Variants in CAMTA1 observed in about 807,000 individuals in gnomAD.
CAMTA1 encodes the protein calmodulin-binding transcription activator 1.
Under a neutral mutation model 170.9 loss-of-function variants are expected in CAMTA1, and 27 were observed. That is an observed-to-expected ratio of 0.16 (90% confidence interval 0.12 to 0.22). CAMTA1 has a LOEUF of 0.22. Among genes scored for constraint, CAMTA1 ranks in the 10% least tolerant of loss-of-function variants. CAMTA1 has a pLI of 1.00. For synonymous variants in CAMTA1, 833 were observed against 891.5 expected (o/e 0.93, Z 1.17); for missense variants, 1,619 against 2,217.2 (o/e 0.73, Z 5.42).
At chr1:7,413,009 G>C (rs900827459) in intron 5 of CAMTA1, among the ~76,000 whole-genome samples, 1 of 151,190 alleles carries the variant, frequency 6.6e-6, no homozygotes, top group African/African-American at 2.4e-5. Flanking sequence ...TTATTAAATA[G>C]GGAATCCTTT....
chr1:6,796,032 G>A (rs1451516308), intron 1 of CAMTA1, among the ~76,000 whole-genome samples: 1 of 151,010 alleles, frequency 6.6e-6, no homozygotes, highest in Non-Finnish European at 1.5e-5. Context: ...TCATGATTTT[G>A]TGACTTGAAC....
intron 5 of CAMTA1, among the ~76,000 whole-genome samples, chr1:7,340,544 G>GCCTCCCCCCCCCCCTC (rs772743867): frequency 9.5e-6 from 1 of 105,424 alleles, no homozygotes; most frequent in African/African-American, 4.0e-5. Context: ...CTGCCTGCCT[G>GCCTCCCCCCCCCCCTC]CCTGCCTGCC....
rs1557761969 is a variant in CAMTA1, at chr1:6,884,324, ACACACACACAC to A, written c.234+59115_234+59125del. On this transcript the variant is annotated intron_variant, in intron 3 of 22. Coordinates refer to ENST00000303635, the MANE Select transcript of CAMTA1 (RefSeq NM_015215.4). ...CACACACACACACACACACACACACACACACACACACAATTTTGTTTGGCTTTGATCCACAC... is the reference window on the plus strand; with the variant it reads ...CACACACACACACACACACACACACAAATTTTGTTTGGCTTTGATCCACAC... Among the ~76,000 whole-genome samples, 25 of 149,866 alleles carry A rather than the reference ACACACACACAC, an allele frequency of 1.7e-4. No individual in the cohort carries two copies. The South Asian group carries it at 3.0e-3, about 18-fold the overall frequency.
At chr1:7,453,891 C>T (rs2092889665) in intron 5 of CAMTA1, among the ~76,000 whole-genome samples, 1 of 152,202 alleles carries the variant, frequency 6.6e-6, no homozygotes, top group South Asian at 2.1e-4. Flanking sequence ...CGCAGCAGCC[C>T]GGGGACCTGG....
At chr1:7,283,576 C>T (rs1671818556) in intron 5 of CAMTA1, among the ~76,000 whole-genome samples, 1 of 152,168 alleles carries the variant, frequency 6.6e-6, no homozygotes, top group Admixed American at 6.5e-5. Flanking sequence ...TTGGACTCCC[C>T]TAAGTCCAAA....
At position 7,093,260 on chromosome 1, in the gene CAMTA1, A is replaced by T. The variant is rs1641694702; in HGVS notation, c.302+1889A>T. 6.6e-6 allele frequency among the ~76,000 whole-genome samples: 1 copy of T among 152,066 alleles called. No individual in the cohort carries two copies. Among genetic ancestry groups the T allele is most frequent in the African/African-American group, 2.4e-5 (1 of 41,398 alleles). On this transcript the variant is annotated intron_variant, in intron 4 of 22. Transcript: ENST00000303635. This position sits in a 1 kb window ranked among gnomAD's most constrained non-coding sequence, Gnocchi z 4.6. ...GGTGCAGGGGGCCTGAACATGTGTT[A>T]TTTCTAACAAGCTCCCAGGCAGTAG...
At chr1:7,459,076 G>A (rs1285486380) in intron 5 of CAMTA1, among the ~76,000 whole-genome samples, 1 of 152,184 alleles carries the variant, frequency 6.6e-6, no homozygotes, top group African/African-American at 2.4e-5. Flanking sequence ...GATGAAGGCG[G>A]GTCCCAAAGA....
At chr1:7,337,681 C>T (rs1342296724) in intron 5 of CAMTA1, among the ~76,000 whole-genome samples, 3 of 146,662 alleles carry the variant, frequency 2.0e-5, no homozygotes, top group African/African-American at 5.1e-5. Context: ...ACAATGTGGG[C>T]GGTGGGCCTC....
intron 1 of CAMTA1, among the ~76,000 whole-genome samples, chr1:6,799,215 G>A (rs2148172709): frequency 6.6e-6 from 1 of 152,168 alleles, no homozygotes; most frequent in Middle Eastern, 3.4e-3. Context: ...CTACGGGCGT[G>A]TGCCACCACA....
chr1:7,621,440 G>A (rs1218132955), intron 6 of CAMTA1, among the ~76,000 whole-genome samples: 3 of 152,232 alleles, frequency 2.0e-5, no homozygotes, highest in South Asian at 2.1e-4. Context: ...TAAGCCAGGC[G>A]CCAACTGGAG....
chr1:7,727,320 C>A (rs1394697393), intron 11 of CAMTA1, among the ~76,000 whole-genome samples: 1 of 152,126 alleles, frequency 6.6e-6, no homozygotes, highest in Non-Finnish European at 1.5e-5. Context: ...GACGGGGTTT[C>A]ACCGTGTTAG....
rs12024751 is a variant in CAMTA1 at position 6,798,562 on chromosome 1, C to T, written c.45+12987C>T. 4.4e-5 allele frequency among the ~76,000 whole-genome samples: 6 copies of T among 135,848 alleles called. 1 individual carries two copies. Among genetic ancestry groups the T allele is most frequent in the East Asian group, 5.5e-4 (2 of 3,638 alleles). The allele number at this position is 135,848 out of a possible 152,430, so 89.1% of individuals were successfully genotyped here. A position where few individuals can be genotyped will look rare whatever the true frequency, so the allele number is the denominator to read the frequency against. ...CCTCTTGGGTAGCTGGGACCACAGG[C>T]GCCCACCACCACACCTGGCTAATTT... On this transcript the variant is annotated intron_variant, in intron 1 of 22. Transcript: ENST00000303635.
intron 3 of CAMTA1, among the ~76,000 whole-genome samples, chr1:6,907,167 T>C (rs1019981563): frequency 2.6e-5 from 4 of 152,236 alleles, no homozygotes; most frequent in Non-Finnish European, 5.9e-5. Context: ...GTTTCTGCTG[T>C]GTCCTTGAGT....
intron 1 of CAMTA1, among the ~76,000 whole-genome samples, chr1:6,792,092 T>C (rs1641270016): frequency 2.0e-5 from 3 of 152,072 alleles, no homozygotes; most frequent in African/African-American, 7.2e-5. Context: ...TAGCTGGGAT[T>C]ACAGGCGTGC....
chr1:7,324,096 A>G (rs1030871131), intron 5 of CAMTA1, among the ~76,000 whole-genome samples: 1 of 152,120 alleles, frequency 6.6e-6, no homozygotes, highest in Non-Finnish European at 1.5e-5. Context: ...AAATTTTCCC[A>G]TTATGATGAT....
chr1:7,153,264 G>T (rs766481669), intron 4 of CAMTA1, among the ~76,000 whole-genome samples: 1 of 152,170 alleles, frequency 6.6e-6, no homozygotes, highest in Non-Finnish European at 1.5e-5. Flanking sequence ...AAACTTGGTT[G>T]CCTTGTAAAA....
chr1:7,360,335 G>T (rs2149970158), intron 5 of CAMTA1, among the ~76,000 whole-genome samples: 1 of 152,280 alleles, frequency 6.6e-6, no homozygotes, highest in South Asian at 2.1e-4. Flanking sequence ...GCAGGTTCTG[G>T]AGGTGATTCC....
chr1:7,133,336 C>G (rs1009920900), intron 4 of CAMTA1, among the ~76,000 whole-genome samples: 1 of 152,148 alleles, frequency 6.6e-6, no homozygotes, highest in African/African-American at 2.4e-5. Context: ...AAGGATTTGT[C>G]TATTTAAGTT....
intron 3 of CAMTA1, among the ~76,000 whole-genome samples, chr1:6,942,018 C>A (rs957140620): frequency 3.9e-5 from 6 of 152,142 alleles, no homozygotes; most frequent in African/African-American, 1.4e-4. Context: ...GAAAGCTTCA[C>A]CCACGGGCTT....
Sources: allele counts gnomAD v4.1 joint callset (sites outside exome capture counted in the v4.1 genomes callset), GRCh38; gene constraint gnomAD v4.1.1; non-coding constraint Gnocchi (gnomAD v3.1); transcripts MANE v1.5; gene names NCBI Gene and HGNC (gene_info 2026-07-23, HGNC 2026-07-21).